Variants in EML6 observed in about 807,000 individuals in gnomAD.
The protein encoded by EML6 is EMAP like 6, also known as echinoderm microtubule-associated protein-like 6.
Under a neutral mutation model 240.1 loss-of-function variants are expected in EML6, and 154 were observed. The observed-to-expected ratio is 0.64, with a 90% CI of 0.56 to 0.73. EML6 has a LOEUF of 0.73. Among genes scored for constraint, EML6 ranks in the 30% least tolerant of loss-of-function variants. The pLI is 0.00. For synonymous variants in EML6, 1,148 were observed against 899.0 expected (o/e 1.28, Z -4.95); for missense variants, 2,964 against 2,474.6 (o/e 1.20, Z -4.20).
intron 3 of EML6, among the ~76,000 whole-genome samples, chr2:54,816,047 T>C (rs1383178283): frequency 2.0e-5 from 3 of 152,240 alleles, no homozygotes; most frequent in Admixed American, 2.0e-4. Flanking sequence ...GTCTGGCTAC[T>C]TAAAAGCAAA....
At chr2:54,913,479 C>T (rs376529535) in intron 25 of EML6, among the ~76,000 whole-genome samples, 1 of 152,106 alleles carries the variant, frequency 6.6e-6, no homozygotes, top group Non-Finnish European at 1.5e-5. Context: ...TCTCCAACTC[C>T]TGTTGCCCTC....
At chr2:54,859,837 A>G in intron 12 of EML6, 136 bp downstream of exon 12, 2 of 691,606 alleles carry the variant, frequency 2.9e-6, no homozygotes, top group Non-Finnish European at 4.5e-6. Context: ...AAATTTTAAG[A>G]TAAGAAGAAA....
intron 21 of EML6, among the ~76,000 whole-genome samples, chr2:54,899,339 T>C (rs1225754218): frequency 6.6e-6 from 1 of 152,220 alleles, no homozygotes; most frequent in Non-Finnish European, 1.5e-5. Flanking sequence ...ATTTCACCAT[T>C]TACCTGGATG....
At chr2:54,792,335 T>C (rs993057966) in intron 2 of EML6, among the ~76,000 whole-genome samples, 1 of 152,252 alleles carries the variant, frequency 6.6e-6, no homozygotes, top group African/African-American at 2.4e-5. Flanking sequence ...TTTTAGTAAG[T>C]CATTATGCAG....
At chr2:54,737,552 G>A (rs1392109736) in intron 2 of EML6, among the ~76,000 whole-genome samples, 1 of 152,134 alleles carries the variant, frequency 6.6e-6, no homozygotes, top group Non-Finnish European at 1.5e-5. Flanking sequence ...TGTGTTTTAT[G>A]TGTGTATGCA....
At chr2:54,964,854 ACTCCTT>A in intron 38 of EML6, 121 bp downstream of exon 38, 1 of 849,192 alleles carries the variant, frequency 1.2e-6, no homozygotes, top group South Asian at 2.0e-5. Context: ...CTTCACCAGA[ACTCCTT>A]AAGTAGTTAC....
At chr2:54,841,074 G>T (rs556514453) in intron 7 of EML6, among the ~76,000 whole-genome samples, 8 of 142,780 alleles carry the variant, frequency 5.6e-5, no homozygotes, top group Non-Finnish European at 1.2e-4. Context: ...CCCCGAAAAG[G>T]GTAGGCAAAG....
At chr2:54,903,807 G>T (rs1010263114) in intron 24 of EML6, among the ~76,000 whole-genome samples, 1 of 152,164 alleles carries the variant, frequency 6.6e-6, no homozygotes, top group African/African-American at 2.4e-5. Flanking sequence ...CTTTAGTTGG[G>T]AGTGCTTTCT....
intron 35 of EML6, 104 bp downstream of exon 35, chr2:54,960,438 C>T (rs1676445330): frequency 1.3e-6 from 1 of 790,824 alleles, no homozygotes; most frequent in East Asian, 2.7e-5. Flanking sequence ...CTCCTTGAAA[C>T]AAGGCCTCAA....
At chr2:54,926,285 A>G (rs1382279449) in intron 26 of EML6, among the ~76,000 whole-genome samples, 1 of 152,200 alleles carries the variant, frequency 6.6e-6, no homozygotes, top group African/African-American at 2.4e-5. Context: ...TATTTTTAGT[A>G]GAGTCAGGGT....
rs372153477 is a variant in EML6, at chr2:54,907,352, C to A, written c.3410-3602C>A. ...TGAAACCCTATCTCTACTAAAATTACAAAAATCAGCCAGGTGTGGTGGCGG... is the reference window on the plus strand; with the variant it reads ...TGAAACCCTATCTCTACTAAAATTAAAAAAATCAGCCAGGTGTGGTGGCGG... On this transcript the variant is annotated intron_variant, in intron 24 of 41. Transcript: ENST00000356458. Among the ~76,000 whole-genome samples, 6 of 152,110 alleles carry A rather than the reference C, an allele frequency of 3.9e-5. No homozygotes were observed. The East Asian group carries it at 7.7e-4, about 20-fold the overall frequency.
rs1482301157 is a variant in EML6, at chr2:54,916,801, C to G, written c.3541C>G (p.Pro1181Ala). 6.5e-7 allele frequency: 1 copy of G among 1,544,050 alleles called. No homozygotes were observed. The highest frequency in any genetic ancestry group is 1.4e-5 in the African/African-American group (1 of 72,986). ...GGACACATGGACCTGTGTCCTGGGG[C>G]CCACCTGTGAGGGAATCTGGCCAGC... ...EWDTWTCVLG[P>A]TCEGIWPAHS... The change falls in exon 26 of 42, where the codon CCC becomes GCC. Residue 1181 changes from proline (P) to alanine (A), a missense_variant. By Grantham distance (27) the Pro-to-Ala change is conservative (BLOSUM62 -1). Transcript: ENST00000356458.
chr2:54,829,432 C>G lies in EML6; in HGVS notation c.802C>G (p.Pro268Ala). The G allele has an allele frequency of 2.6e-6, 4 of 1,551,790 alleles. No individual in the cohort carries two copies. Among genetic ancestry groups the G allele is most frequent in the Non-Finnish European group, 3.5e-6 (4 of 1,146,824 alleles). The change falls in exon 7 of 42, where the codon CCA (proline) becomes GCA (alanine). Residue 268 changes from proline (P) to alanine (A), a missense_variant. By Grantham distance (27) the Pro-to-Ala change is conservative. Coordinates refer to ENST00000356458, the MANE Select transcript of EML6 (RefSeq NM_001039753.4). ...CIRLWDTDFK[P>A]ITKIDLRETE... ...ACGACTGTGGGACACTGATTTCAAA[C>G]CAATAACCAAAATTGATCTCAGGGA...
rs77961988 is a variant in EML6, at chr2:54,751,890, A to C, written c.197+26632A>C. ...AAACTTTTATCATCCAGTTTCAAGA[A>C]ATAAGGGTGATAGGCCTTTGGGTTT... On this transcript the variant is annotated intron_variant, in intron 2 of 41. Transcript: ENST00000356458. 9.7e-3 allele frequency among the ~76,000 whole-genome samples: 1,481 copies of C among 152,310 alleles called. 24 individuals are homozygous for C. The highest frequency in any genetic ancestry group is 0.072 in the South Asian group (347 of 4,832).
chr2:54,820,375 C>T lies in EML6; in HGVS notation c.457-19C>T, dbSNP rs537730889. 6.5e-7 allele frequency: 1 copy of T among 1,531,162 alleles called. No individual in the cohort carries two copies. The highest frequency in any genetic ancestry group is 2.5e-5 in the East Asian group (1 of 40,750). The allele number at this position is 1,531,162 out of a possible 1,614,324, so 94.8% of individuals were successfully genotyped here. On this transcript the variant is annotated intron_variant, in intron 4 of 41. Transcript: ENST00000356458. ...ATATACCAAATGATCAACATGGCAACTTTTAATGTTTTGAACAGATTTTTG... is the reference window on the plus strand; with the variant it reads ...ATATACCAAATGATCAACATGGCAATTTTTAATGTTTTGAACAGATTTTTG...
At chr2:54,849,132 T>A (rs1237644134) in intron 9 of EML6, among the ~76,000 whole-genome samples, 2 of 152,242 alleles carry the variant, frequency 1.3e-5, no homozygotes, top group African/African-American at 4.8e-5. Context: ...CATTTCTTTT[T>A]AAAATTTTAA....
chr2:54,967,931 T>G (rs1676819060), intron 39 of EML6, among the ~76,000 whole-genome samples, 197 bp from the exon 40 acceptor site: 2 of 152,140 alleles, frequency 1.3e-5, no homozygotes, highest in Non-Finnish European at 2.9e-5. Context: ...GTGGTAATGC[T>G]CCGCCACCAC....
intron 2 of EML6, among the ~76,000 whole-genome samples, chr2:54,808,659 C>T (rs1670625093): frequency 6.6e-6 from 1 of 152,088 alleles, no homozygotes; most frequent in African/African-American, 2.4e-5. Flanking sequence ...AACAAGTGCT[C>T]ATAAAATTTT....
At chr2:54,864,440 C>CA in intron 13 of EML6, among the ~76,000 whole-genome samples, 1 of 152,310 alleles carries the variant, frequency 6.6e-6, no homozygotes, top group East Asian at 1.9e-4. Flanking sequence ...CAGCTGACTT[C>CA]AGTTTTTTTG....
Sources: allele counts gnomAD v4.1 joint callset (sites outside exome capture counted in the v4.1 genomes callset), GRCh38; gene constraint gnomAD v4.1.1; transcripts MANE v1.5; gene names NCBI Gene and HGNC (gene_info 2026-07-23, HGNC 2026-07-21).